The following KRR1 variants were observed in gnomAD, a reference collection of about 807,000 sequenced individuals.
The protein encoded by KRR1 is KRR1 small subunit processome component homolog.
A neutral mutation model predicts 50.0 loss-of-function variants in KRR1; 23 were observed. That is an observed-to-expected ratio of 0.46 (90% CI 0.33 to 0.65). The LOEUF is 0.65. Among genes scored for constraint, KRR1 ranks in the 30% least tolerant of loss-of-function variants. The pLI, the probability that KRR1 is intolerant of heterozygous loss-of-function variation, is 0.02. For missense variants in KRR1, 419 were observed against 442.4 expected (o/e 0.95, Z 0.47); for synonymous variants, 133 against 146.3 (o/e 0.91, Z 0.66).
At position 75,511,523 on chromosome 12, in the gene KRR1, C is replaced by T. The variant is rs1436582360; in HGVS notation, c.75G>A (p.Pro25=). 6.2e-7 allele frequency: 1 copy of T among 1,614,038 alleles called. No homozygotes were observed. The highest frequency in any genetic ancestry group is 8.5e-7 in the Non-Finnish European group (1 of 1,179,892). The change falls in exon 1 of 10, where the codon CCG becomes CCA. Residue 25 remains proline, a synonymous_variant. Coordinates refer to ENST00000229214, the MANE Select transcript of KRR1 (RefSeq NM_007043.7). ...CCCACATAACATCACCTTGGTTCTCCGGCTTCGGCTTCTGGTTACGAAATT... is the reference window on the plus strand; with the variant it reads ...CCCACATAACATCACCTTGGTTCTCTGGCTTCGGCTTCTGGTTACGAAATT... The part of the protein sequence containing the change: ...KSEFRNQKPK[P]ENQDESELLT...
chr12:75,510,251 C>G (rs2120640759), intron 1 of KRR1, among the ~76,000 whole-genome samples: 1 of 152,232 alleles, frequency 6.6e-6, no homozygotes, highest in Non-Finnish European at 1.5e-5. Context: ...TTACACACAC[C>G]CTACACTTCA....
Position 75,499,332 on chromosome 12 carries a change from G to A in KRR1, c.*477C>T. On this transcript the variant is annotated 3_prime_UTR_variant, in exon 10 of 10. Transcript: ENST00000229214. ...AAAACATTATTATTTTTTGCATGCTGCTTCGACTCTAAATATCTGGTTTTC... is the reference window on the plus strand; with the variant it reads ...AAAACATTATTATTTTTTGCATGCTACTTCGACTCTAAATATCTGGTTTTC... The A allele has an allele frequency of 6.0e-6, 1 of 167,184 alleles. No homozygotes were observed. Among genetic ancestry groups the A allele is most frequent in the Non-Finnish European group, 1.3e-5 (1 of 78,764 alleles). 10.4% of individuals were successfully genotyped at this position (167,184 alleles called of 1,614,324 possible).
At position 75,501,806 on chromosome 12, in the gene KRR1, G is replaced by C. The variant is rs570700905; in HGVS notation, c.920C>G (p.Ala307Gly). 2 of 1,607,506 alleles carry C rather than the reference G, an allele frequency of 1.2e-6. No individual in the cohort carries two copies. Among genetic ancestry groups the C allele is most frequent in the African/African-American group, 1.3e-5 (1 of 74,710 alleles). The change falls in exon 9 of 10, where the codon GCA becomes GGA. Residue 307 changes from alanine (A) to glycine (G), a missense_variant. Physicochemically the swap from Ala to Gly is moderately conservative, Grantham distance 60. Transcript: ENST00000229214. ...CTCTTGTCTCTTACTGATGGCTTCTGCTTGTTTAGCCTACATTAATAAATA... is the reference window on the plus strand; with the variant it reads ...CTCTTGTCTCTTACTGATGGCTTCTCCTTGTTTAGCCTACATTAATAAATA... The part of the protein sequence containing the change: ...QKMEAIKAKQ[A>G]EAISKRQEER...
intron 7 of KRR1, chr12:75,502,827 G>T (rs1167801265): frequency 6.6e-6 from 1 of 152,002 alleles, no homozygotes; most frequent in Non-Finnish European, 1.5e-5. Context: ...AAGAAATAAG[G>T]CAGGTGTTAT....
At chr12:75,502,641 T>C (rs1399547636) in intron 7 of KRR1, 2 of 152,072 alleles carry the variant, frequency 1.3e-5, no homozygotes, top group Admixed American at 6.6e-5. Context: ...TTAAGATAGG[T>C]ATTACCATTA....
rs2046395776 is a variant in KRR1 at position 75,501,780 on chromosome 12, C to T, written c.946G>A (p.Glu316Lys). Residue 316 changes from glutamate to lysine, a missense_variant, in exon 9 of 10, where the codon GAA (glutamate) becomes AAA (lysine). By Grantham distance (56) the Glu-to-Lys change is moderately conservative. Coordinates refer to ENST00000229214, the MANE Select transcript of KRR1 (RefSeq NM_007043.7). ...QAEAISKRQE[E>K]RNKAFIPPKE... is the part of the protein sequence containing the mutation. Reference sequence around the variant, plus strand: ...GGTGGAATAAATGCTTTGTTTCTTTCCTCTTGTCTCTTACTGATGGCTTCT... The same window carrying T: ...GGTGGAATAAATGCTTTGTTTCTTTTCTCTTGTCTCTTACTGATGGCTTCT... 6.2e-7 allele frequency: 1 copy of T among 1,610,748 alleles called. No individual in the cohort carries two copies. Among genetic ancestry groups the T allele is most frequent in the Non-Finnish European group, 8.5e-7 (1 of 1,178,316 alleles).
At chr12:75,510,017 C>T (rs2046439945) in intron 1 of KRR1, among the ~76,000 whole-genome samples, 1 of 152,084 alleles carries the variant, frequency 6.6e-6, no homozygotes, top group Non-Finnish European at 1.5e-5. Context: ...AGGAGTTTCA[C>T]AATTAAGGAA....
chr12:75,500,871 G>GCACT (rs1029644851), intron 9 of KRR1: 1 of 151,988 alleles, frequency 6.6e-6, no homozygotes, highest in African/African-American at 2.4e-5. Context: ...TACCTTCAAA[G>GCACT]CACTCAACTG....
In KRR1 at chr12:75,492,821, A is replaced by T. The variant is rs1486904456; in HGVS notation, c.*6988T>A. 6.6e-6 allele frequency: 1 copy of T among 152,236 alleles called. No individual in the cohort carries two copies. The highest frequency in any genetic ancestry group is 2.4e-5 in the African/African-American group (1 of 41,458). 9.4% of individuals were successfully genotyped at this position (152,236 alleles called of 1,614,324 possible). On this transcript the variant is annotated 3_prime_UTR_variant, in exon 10 of 10. Transcript: ENST00000229214. ...ATTTATGGGGCAAACAGATAATAAAAATACAAGTAAAATAACTGCATCATT... is the reference window on the plus strand; with the variant it reads ...ATTTATGGGGCAAACAGATAATAAATATACAAGTAAAATAACTGCATCATT...
At chr12:75,509,380 C>G (rs1012633803) in intron 1 of KRR1, among the ~76,000 whole-genome samples, 3 of 152,098 alleles carry the variant, frequency 2.0e-5, no homozygotes, top group African/African-American at 7.2e-5. Flanking sequence ...ACAGGAGACT[C>G]TTAAGCACGG....
intron 7 of KRR1, 113 bp downstream of exon 7, chr12:75,503,791 C>CT: frequency 1.0e-6 from 1 of 959,640 alleles, no homozygotes; most frequent in South Asian, 2.0e-5. Context: ...TGCACACACA[C>CT]ACACAATATA....
In KRR1 at chr12:75,506,465, T is replaced by A. The variant is rs201052628; in HGVS notation, c.519+19A>T. On this transcript the variant is annotated intron_variant, in intron 4 of 9. Transcript: ENST00000229214. The stretch of plus-strand genomic sequence containing the variant: ...AGTATTAAGGAAGAGACTCAAGTTT[T>A]CCACTAATTAAAAAATACCTTCAAT... 546 of 1,604,344 alleles carry A rather than the reference T, an allele frequency of 3.4e-4. 3 individuals are homozygous for A. The highest frequency in any genetic ancestry group is 3.3e-4 in the Middle Eastern group (2 of 6,012).
chr12:75,506,638 A>C (rs765587037), intron 3 of KRR1, 29 bp from the exon 4 acceptor site: 8 of 1,550,076 alleles, frequency 5.2e-6, no homozygotes, highest in Non-Finnish European at 6.9e-6. Context: ...AAAAAAGAAG[A>C]CATTATCAAC....
rs1315268349 is a variant in KRR1 at position 75,491,737 on chromosome 12, C to T, written c.*8072G>A. 1 of 152,000 alleles carries T rather than the reference C, an allele frequency of 6.6e-6. No homozygotes were observed. Among genetic ancestry groups the T allele is most frequent in the Non-Finnish European group, 1.5e-5 (1 of 67,996 alleles). 9.4% of individuals were successfully genotyped at this position (152,000 alleles called of 1,614,324 possible). A position where few individuals can be genotyped will look rare whatever the true frequency, so the allele number is the denominator to read the frequency against. On this transcript the variant is annotated 3_prime_UTR_variant, in exon 10 of 10. Transcript: ENST00000229214. ...CTTCACATAATTGTCTATTTATATT[C>T]CTTTTTCTGTGAATCATGTGGGCTG...
intron 9 of KRR1, 28 bp from the exon 10 acceptor site, chr12:75,499,979 T>A: frequency 6.4e-7 from 1 of 1,552,414 alleles, no homozygotes; most frequent in Non-Finnish European, 8.7e-7. Context: ...ACAACACATG[T>A]AATACTTTAG....
chr12:75,508,505 AC>A, intron 1 of KRR1, 59 bp from the exon 2 acceptor site: 1 of 1,287,052 alleles, frequency 7.8e-7, no homozygotes, highest in Middle Eastern at 2.0e-4. Context: ...CATACACATC[AC>A]ATTTTAACTG....
intron 7 of KRR1, chr12:75,502,762 G>A (rs1311534544): frequency 7.2e-5 from 11 of 152,128 alleles, no homozygotes; most frequent in South Asian, 6.2e-4. Context: ...ACTGTTTCAA[G>A]AAGCTTACAC....
Position 75,498,463 on chromosome 12 carries a change from T to C in KRR1, c.*1346A>G, listed in dbSNP as rs1286085791. On this transcript the variant is annotated 3_prime_UTR_variant, in exon 10 of 10. Coordinates refer to ENST00000229214, the MANE Select transcript of KRR1 (RefSeq NM_007043.7). The stretch of plus-strand genomic sequence containing the variant: ...AATGATTTTCCATTTATAGTAATGG[T>C]ATAGTTTCCTTTTTATAAAAGGTTT... The C allele has an allele frequency of 1.6e-5, 7 of 438,516 alleles. No homozygotes were observed. Among genetic ancestry groups the C allele is most frequent in the Non-Finnish European group, 2.4e-5 (6 of 248,928 alleles). The allele number at this position is 438,516 out of a possible 1,614,324, so 27.2% of individuals were successfully genotyped here.
At position 75,506,410 on chromosome 12, in the gene KRR1, A is replaced by G. The variant is rs1285782474; in HGVS notation, c.520-11T>C. On this transcript the variant is annotated splice_polypyrimidine_tract_variant and intron_variant, in intron 4 of 9. Transcript: ENST00000229214. ...TAAGAGTTCCAATGCCTGTATCAAG[A>G]GATCAAGTTAAAATTCATTACTCTG... The G allele has an allele frequency of 6.2e-7, 1 of 1,605,582 alleles. No homozygotes were observed. Among genetic ancestry groups the G allele is most frequent in the Non-Finnish European group, 8.5e-7 (1 of 1,177,944 alleles).
Sources: allele counts gnomAD v4.1 joint callset (sites outside exome capture counted in the v4.1 genomes callset), GRCh38; gene constraint gnomAD v4.1.1; transcripts MANE v1.5; gene names NCBI Gene and HGNC (gene_info 2026-07-23, HGNC 2026-07-21).